PTPRN2: variants seen among roughly 807,000 people sequenced by gnomAD.
PTPRN2 encodes protein tyrosine phosphatase receptor type N2.
A neutral mutation model predicts 118.8 loss-of-function variants in PTPRN2; 74 were observed. The observed-to-expected ratio is 0.62, with a 90% CI of 0.52 to 0.76. PTPRN2 has a LOEUF of 0.76. Ranked by LOEUF, PTPRN2 falls within the 30% of genes least tolerant of loss-of-function variation. PTPRN2 has a pLI of 0.00. For missense variants in PTPRN2, 1,481 were observed against 1,394.4 expected, an observed-to-expected ratio of 1.06 and a Z score of -0.99; for synonymous variants, 641 against 608.0, an observed-to-expected ratio of 1.05 and a Z score of -0.80.
At position 158,489,702 on chromosome 7, in the gene PTPRN2, A is replaced by T. The variant is rs1375010519; in HGVS notation, c.163+33T>A. 6.4e-6 allele frequency: 10 copies of T among 1,554,968 alleles called. No homozygotes were observed. In the Admixed American group the frequency reaches 1.3e-4, roughly 20 times the overall value. ...CGCACGGCGGGCAGGAGAGGGGCAG[A>T]CCAGGGCGCAGCAGCCAGGACCCCA... On this transcript the variant is annotated intron_variant, in intron 2 of 22. Coordinates refer to ENST00000389418, the MANE Select transcript of PTPRN2 (RefSeq NM_002847.5).
Position 157,728,341 on chromosome 7 carries a change from G to A in PTPRN2, c.1789-45404C>T, listed in dbSNP as rs540485843. Among the ~76,000 whole-genome samples the A allele has an allele frequency of 1.2e-3, 177 of 152,344 alleles. 1 individual carries two copies. The highest frequency in any genetic ancestry group is 3.2e-4 in the Non-Finnish European group (22 of 68,030). On this transcript the variant is annotated intron_variant, in intron 12 of 22. Coordinates refer to ENST00000389418, the MANE Select transcript of PTPRN2 (RefSeq NM_002847.5). ...GCCTCTCCGTCTAGGGGAAGAAGGC[G>A]CGTGAAGATCTTTCTCAGAAAGGAC...
At chr7:158,458,934 G>A (rs899711463) in intron 2 of PTPRN2, among the ~76,000 whole-genome samples, 9 of 152,192 alleles carry the variant, frequency 5.9e-5, no homozygotes, top group Non-Finnish European at 1.5e-5. Flanking sequence ...CCAGACAAGG[G>A]AAACTGCAGG....
At chr7:158,058,206 G>A (rs1407619266) in intron 11 of PTPRN2, among the ~76,000 whole-genome samples, 1 of 148,726 alleles carries the variant, frequency 6.7e-6, no homozygotes. Flanking sequence ...CACTCCATCT[G>A]CCCACGGTGA....
intron 11 of PTPRN2, among the ~76,000 whole-genome samples, chr7:158,078,117 G>A (rs566572007): frequency 6.6e-4 from 100 of 152,264 alleles, no homozygotes; most frequent in Middle Eastern, 3.4e-3. Flanking sequence ...CTTCTCATTC[G>A]GCATCAATAC....
chr7:158,029,716 C>T (rs1807547674), intron 11 of PTPRN2: 1 of 152,410 alleles, frequency 6.6e-6, no homozygotes, highest in Non-Finnish European at 1.5e-5. Flanking sequence ...CCCTGCCCAT[C>T]CACATGGCAA....
At chr7:157,901,703 GGGCC>G (rs1797451019) in intron 11 of PTPRN2, among the ~76,000 whole-genome samples, 1 of 90,892 alleles carries the variant, frequency 1.1e-5, no homozygotes, top group African/African-American at 5.0e-5. Flanking sequence ...ACCCGAAGTG[GGGCC>G]TTCCCGTCCG....
At chr7:157,824,982 C>A (rs1379883371) in intron 12 of PTPRN2, among the ~76,000 whole-genome samples, 1 of 152,136 alleles carries the variant, frequency 6.6e-6, no homozygotes, top group Non-Finnish European at 1.5e-5. Flanking sequence ...GGGAGTCAGC[C>A]AATGTGGCCC....
chr7:158,576,405 G>T (rs185948008), intron 1 of PTPRN2, among the ~76,000 whole-genome samples: 18 of 152,344 alleles, frequency 1.2e-4, no homozygotes, highest in African/African-American at 4.3e-4. Flanking sequence ...AGGCACAAGT[G>T]TGAGCCAGAA....
rs191931633 is a variant in PTPRN2, at chr7:157,871,187, C to T, written c.1788+27486G>A. Among the ~76,000 whole-genome samples, 293 of 152,276 alleles carry T rather than the reference C, an allele frequency of 1.9e-3. 3 individuals carry two copies. Among genetic ancestry groups the T allele is most frequent in the South Asian group, 3.5e-3 (17 of 4,832 alleles). On this transcript the variant is annotated intron_variant, in intron 12 of 22. Coordinates refer to ENST00000389418, the MANE Select transcript of PTPRN2 (RefSeq NM_002847.5). ...TCTCAGCTGGGGAGGCCCAGTTGCT[C>T]AAAGCTGTGGTTCTCAAAGTGGGGT... is the stretch of plus-strand genomic sequence containing the variant.
chr7:157,994,289 G>A (rs971690379), intron 11 of PTPRN2, among the ~76,000 whole-genome samples: 5 of 152,170 alleles, frequency 3.3e-5, no homozygotes, highest in East Asian at 1.9e-4. Flanking sequence ...TTTAATCCAC[G>A]AAGCAGCACA....
intron 11 of PTPRN2, among the ~76,000 whole-genome samples, chr7:157,946,353 C>A (rs1423092108): frequency 6.6e-6 from 1 of 152,130 alleles, no homozygotes; most frequent in African/African-American, 2.4e-5. Flanking sequence ...GGAAATTCAG[C>A]AGGAAAAATA....
chr7:158,151,516 A>ACACCACCCGCCTTTCTATTCCTGC (rs1563522299), intron 6 of PTPRN2, among the ~76,000 whole-genome samples: 1 of 10,436 alleles, frequency 9.6e-5, no homozygotes. Flanking sequence ...TCTGCTCCTC[A>ACACCACCCGCCTTTCTATTCCTGC]CCGCACGTCC....
intron 3 of PTPRN2, among the ~76,000 whole-genome samples, chr7:158,252,189 C>T (rs908934323): frequency 6.6e-5 from 10 of 152,148 alleles, no homozygotes; most frequent in South Asian, 2.1e-4. Flanking sequence ...GGTGGGAACG[C>T]GAGAGCACTT....
At chr7:157,957,344 G>C (rs1384770931) in intron 11 of PTPRN2, among the ~76,000 whole-genome samples, 2 of 152,086 alleles carry the variant, frequency 1.3e-5, no homozygotes, top group Non-Finnish European at 2.9e-5. Flanking sequence ...TTAATCCCTG[G>C]GGGGGTGAAT....
intron 2 of PTPRN2, among the ~76,000 whole-genome samples, chr7:158,466,678 A>G (rs1306804721): frequency 6.6e-6 from 1 of 152,158 alleles, no homozygotes; most frequent in Non-Finnish European, 1.5e-5. Flanking sequence ...TGGATCTATA[A>G]CCAAAAGAGG....
chr7:157,763,125 GTC>G lies in PTPRN2; in HGVS notation c.1789-80190_1789-80189del, dbSNP rs58667682. ...CAGAGCCCACGGCCGCCCACTCATG[GTC>G]GGTCACAGGGTTAACCCTCCATCAG... On this transcript the variant is annotated intron_variant, in intron 12 of 22. Transcript: ENST00000389418. The surrounding 1 kb of genome is among the most constrained non-coding windows in gnomAD (Gnocchi z 4.9). 3.1e-5 allele frequency among the ~76,000 whole-genome samples: 4 copies of G among 130,816 alleles called. No individual in the cohort carries two copies. The highest frequency in any genetic ancestry group is 9.2e-5 in the African/African-American group (3 of 32,634). 85.8% of individuals were successfully genotyped at this position (130,816 alleles called of 152,430 possible).
intron 2 of PTPRN2, among the ~76,000 whole-genome samples, chr7:158,336,209 TA>T (rs1805484500): frequency 1.9e-5 from 1 of 53,428 alleles, no homozygotes; most frequent in African/African-American, 7.3e-5. Flanking sequence ...AATCTCACCA[TA>T]AGAGCCGACG....
intron 2 of PTPRN2, among the ~76,000 whole-genome samples, chr7:158,399,648 C>G (rs886279404): frequency 7.2e-5 from 11 of 151,758 alleles, no homozygotes; most frequent in African/African-American, 2.7e-4. Context: ...AAAGCAAGAT[C>G]CTGTCTCAAG....
intron 4 of PTPRN2, among the ~76,000 whole-genome samples, chr7:158,203,596 A>C (rs1329768285): frequency 6.6e-6 from 1 of 151,120 alleles, no homozygotes; most frequent in South Asian, 2.1e-4. Context: ...CCTGTTCTGC[A>C]CCCCCCCAGA....
Sources: allele counts gnomAD v4.1 joint callset (sites outside exome capture counted in the v4.1 genomes callset), GRCh38; gene constraint gnomAD v4.1.1; non-coding constraint Gnocchi (gnomAD v3.1); transcripts MANE v1.5; gene names NCBI Gene and HGNC (gene_info 2026-07-23, HGNC 2026-07-21).